The following CELSR1 variants were observed in gnomAD, a reference collection of about 807,000 sequenced individuals.
The protein encoded by CELSR1 is cadherin EGF LAG seven-pass G-type receptor 1, also known as adhesion G protein-coupled receptor C1.
A neutral mutation model predicts 249.1 loss-of-function variants in CELSR1; 110 were observed. The observed-to-expected ratio is 0.44, with a 90% CI of 0.38 to 0.52. The LOEUF is 0.52. CELSR1 is among the 20% of genes least tolerant of loss of function. The pLI is 0.00. For synonymous variants in CELSR1, 2,113 were observed against 1,900.0 expected (o/e 1.11, Z -2.92); for missense variants, 4,109 against 4,296.4 (o/e 0.96, Z 1.22).
At position 46,441,166 on chromosome 22, in the gene CELSR1, AAAG is replaced by A. The variant is rs990309120; in HGVS notation, c.4184-1758_4184-1756del. ...AGACTTCATTTCAAAAAAAAAAAAA[AAAG>A]AGAGACTGCTATAAAGATGGAACTG... On this transcript the variant is annotated intron_variant, in intron 2 of 34. Transcript: ENST00000674500. This position sits in a 1 kb window ranked among gnomAD's most constrained non-coding sequence, Gnocchi z 6.1. 1.5e-4 allele frequency among the ~76,000 whole-genome samples: 23 copies of A among 151,316 alleles called. No individual in the cohort carries two copies. The highest frequency in any genetic ancestry group is 5.4e-4 in the African/African-American group (22 of 40,870).
rs2079271713 is a variant in CELSR1, at chr22:46,406,849, G to A, written c.5226+2147C>T. Among the ~76,000 whole-genome samples the A allele has an allele frequency of 6.6e-6, 1 of 150,458 alleles. No individual in the cohort carries two copies. Among genetic ancestry groups the A allele is most frequent in the African/African-American group, 2.5e-5 (1 of 40,732 alleles). ...TGACCTTAGCCCAGCTTCCCCTGATGCGGGATGGTGTCCAGGACACACTCG... is the reference window on the plus strand; with the variant it reads ...TGACCTTAGCCCAGCTTCCCCTGATACGGGATGGTGTCCAGGACACACTCG... On this transcript the variant is annotated intron_variant, in intron 9 of 34. Coordinates refer to ENST00000674500, the MANE Select transcript of CELSR1 (RefSeq NM_001378328.1). The surrounding 1 kb of genome is among the most constrained non-coding windows in gnomAD (Gnocchi z 5.4).
At chr22:46,466,929 C>A (rs2080102883) in intron 1 of CELSR1, among the ~76,000 whole-genome samples, 1 of 152,186 alleles carries the variant, frequency 6.6e-6, no homozygotes, top group Non-Finnish European at 1.5e-5. Flanking sequence ...CTCTCCTCCG[C>A]ATCAGGACGC....
chr22:46,442,233 G>C (rs909403305), intron 2 of CELSR1, among the ~76,000 whole-genome samples: 18 of 152,248 alleles, frequency 1.2e-4, no homozygotes, highest in Non-Finnish European at 2.2e-4. Context: ...CTCCAGGACG[G>C]GGCTCTGGGG....
Position 46,434,544 on chromosome 22 carries a change from C to T in CELSR1, c.4523-1063G>A, listed in dbSNP as rs1248231669. Among the ~76,000 whole-genome samples the T allele has an allele frequency of 2.0e-5, 3 of 152,220 alleles. No homozygotes were observed. The East Asian group carries it at 5.8e-4, about 29-fold the overall frequency. Reference sequence around the variant, plus strand: ...TGGTGGTTGGCTGCTGTTACAGGTGCCTCCCTTTCTTTATTGAGTATAGAA... The same window carrying T: ...TGGTGGTTGGCTGCTGTTACAGGTGTCTCCCTTTCTTTATTGAGTATAGAA... On this transcript the variant is annotated intron_variant, in intron 4 of 34. Coordinates refer to ENST00000674500, the MANE Select transcript of CELSR1 (RefSeq NM_001378328.1). This position sits in a 1 kb window ranked among gnomAD's most constrained non-coding sequence, Gnocchi z 4.9.
intron 20 of CELSR1, among the ~76,000 whole-genome samples, chr22:46,382,909 T>TG (rs1361154432): frequency 2.6e-5 from 4 of 152,304 alleles, no homozygotes; most frequent in South Asian, 2.1e-4. Context: ...TAGTGTTTCG[T>TG]GGGCTAGAGT....
At chr22:46,382,613 A>G (rs573396058) in intron 20 of CELSR1, among the ~76,000 whole-genome samples, 2 of 152,290 alleles carry the variant, frequency 1.3e-5, no homozygotes, top group Admixed American at 1.3e-4. Context: ...TCACAGCAGC[A>G]CCATTCACAC....
intron 1 of CELSR1, among the ~76,000 whole-genome samples, chr22:46,532,788 T>G (rs937397645): frequency 2.6e-5 from 4 of 152,182 alleles, no homozygotes; most frequent in African/African-American, 4.8e-5. Flanking sequence ...CTCTCTCTTC[T>G]GTGTCTCCCA....
At chr22:46,388,356 AAAAG>A (rs386822024) in intron 18 of CELSR1, among the ~76,000 whole-genome samples, 4 of 151,928 alleles carry the variant, frequency 2.6e-5, no homozygotes, top group African/African-American at 4.8e-5. Flanking sequence ...CTTAAAAAAA[AAAAG>A]AAATAAAGAA....
At position 46,396,529 on chromosome 22, in the gene CELSR1, A is replaced by G. The variant is rs1304967213; in HGVS notation, c.5843+76T>C. 17 of 1,372,672 alleles carry G rather than the reference A, an allele frequency of 1.2e-5. No homozygotes were observed. The highest frequency in any genetic ancestry group is 1.5e-5 in the Non-Finnish European group (16 of 1,054,130). 85.0% of individuals were successfully genotyped at this position (1,372,672 alleles called of 1,614,324 possible). On this transcript the variant is annotated intron_variant, in intron 13 of 34. Transcript: ENST00000674500. The surrounding 1 kb of genome is among the most constrained non-coding windows in gnomAD (Gnocchi z 6.4). ...ACATATCTTTGGGTCAAAATAAGAA[A>G]GAGAAGACACTGAGTCGAGGGAACA... is the stretch of plus-strand genomic sequence containing the variant.
intron 2 of CELSR1, among the ~76,000 whole-genome samples, chr22:46,451,083 GCTGT>G (rs1555920245): frequency 1.3e-5 from 2 of 152,098 alleles, no homozygotes; most frequent in Non-Finnish European, 2.9e-5. Context: ...ACCGGGAACT[GCTGT>G]CTGTCAGCAC....
In CELSR1 at chr22:46,488,517, G is replaced by A. The variant is rs908379730; in HGVS notation, c.3545-24172C>T. On this transcript the variant is annotated intron_variant, in intron 1 of 34. Coordinates refer to ENST00000674500, the MANE Select transcript of CELSR1 (RefSeq NM_001378328.1). The surrounding 1 kb of genome is among the most constrained non-coding windows in gnomAD (Gnocchi z 4.7). ...CACGGCTTGAACCCACACCAAGGCTGGACTCGGCACAGGCCAGAGGGAAGC... is the reference window on the plus strand; with the variant it reads ...CACGGCTTGAACCCACACCAAGGCTAGACTCGGCACAGGCCAGAGGGAAGC... Among the ~76,000 whole-genome samples the A allele has an allele frequency of 1.4e-4, 21 of 152,170 alleles. No individual in the cohort carries two copies. The highest frequency in any genetic ancestry group is 4.1e-4 in the African/African-American group (17 of 41,428).
In CELSR1 at chr22:46,396,026, C is replaced by T. The variant is rs186290023; in HGVS notation, c.5843+579G>A. Among the ~76,000 whole-genome samples the T allele has an allele frequency of 3.5e-4, 54 of 152,314 alleles. No individual in the cohort carries two copies. The highest frequency in any genetic ancestry group is 1.3e-3 in the African/African-American group (52 of 41,582). The stretch of plus-strand genomic sequence containing the variant: ...CTGCATCTCATGGGGCCTGTTTGCT[C>T]TGGGCCCAGTGAGGACTCCAGGTGA... On this transcript the variant is annotated intron_variant, in intron 13 of 34. Coordinates refer to ENST00000674500, the MANE Select transcript of CELSR1 (RefSeq NM_001378328.1). The surrounding 1 kb of genome is among the most constrained non-coding windows in gnomAD (Gnocchi z 6.4).
rs941962794 is a variant in CELSR1, at chr22:46,429,643, G to A, written c.4611+3750C>T. Among the ~76,000 whole-genome samples, 1 of 152,238 alleles carries A rather than the reference G, an allele frequency of 6.6e-6. No individual in the cohort carries two copies. ...CAGACTCTGCCTGCTCCCTGCCTGG[G>A]AGGGTTCCCTACCCCATGGCTTCTG... On this transcript the variant is annotated intron_variant, in intron 5 of 34. Coordinates refer to ENST00000674500, the MANE Select transcript of CELSR1 (RefSeq NM_001378328.1). This position sits in a 1 kb window ranked among gnomAD's most constrained non-coding sequence, Gnocchi z 4.1.
In CELSR1 at chr22:46,364,014, G is replaced by C; in HGVS notation, c.9017C>G (p.Ala3006Gly). ...TACTCACTCAGAGTCGGAGCCATCG[G>C]CCTGGGCGCTCCCAGTGCGCACATT... Reference protein sequence around the residue: ...AMNVRTGSAQADGSDSEGSNE... With the variant: ...AMNVRTGSAQGDGSDSEGSNE... The change falls in exon 34 of 35, where the codon GCC becomes GGC. Residue 3006 changes from alanine to glycine, a missense_variant. Coordinates refer to ENST00000674500, the MANE Select transcript of CELSR1 (RefSeq NM_001378328.1). 1 of 1,608,466 alleles carries C rather than the reference G, an allele frequency of 6.2e-7. No individual in the cohort carries two copies. The highest frequency in any genetic ancestry group is 8.5e-7 in the Non-Finnish European group (1 of 1,178,104).
intron 1 of CELSR1, among the ~76,000 whole-genome samples, chr22:46,504,229 G>A (rs1422747226): frequency 6.6e-6 from 1 of 152,078 alleles, no homozygotes; most frequent in Admixed American, 6.6e-5. Flanking sequence ...AACAGGAATG[G>A]CTGGCCAAGC....
At position 46,409,149 on chromosome 22, in the gene CELSR1, G is replaced by A. The variant is rs2147324775; in HGVS notation, c.5073C>T (p.Pro1691=). The A allele has an allele frequency of 3.1e-6, 5 of 1,613,114 alleles. No individual in the cohort carries two copies. The highest frequency in any genetic ancestry group is 4.2e-6 in the Non-Finnish European group (5 of 1,179,656). Reference sequence around the variant, plus strand: ...CGACGCTCTCACCGCTGAAGAGCTGGGGGTGAGGCATGGCTGCGGACACAG... The same window carrying A: ...CGACGCTCTCACCGCTGAAGAGCTGAGGGTGAGGCATGGCTGCGGACACAG... ...GKNCEQAMPH[P]QLFSGESVVS... The change falls in exon 9 of 35, where the codon CCC becomes CCT. Residue 1691 remains proline, a synonymous_variant. Transcript: ENST00000674500. This position sits in a 1 kb window ranked among gnomAD's most constrained non-coding sequence, Gnocchi z 9.8.
chr22:46,489,649 A>C (rs2080348385), intron 1 of CELSR1, among the ~76,000 whole-genome samples: 1 of 152,114 alleles, frequency 6.6e-6, no homozygotes, highest in Non-Finnish European at 1.5e-5. Flanking sequence ...ACGGTGGCTC[A>C]TACCTGTAAT....
rs570923174 is a variant in CELSR1, at chr22:46,389,152, T to A, written c.6555+138A>T. 27 of 964,558 alleles carry A rather than the reference T, an allele frequency of 2.8e-5. 1 individual carries two copies. The highest frequency in any genetic ancestry group is 2.3e-4 in the African/African-American group (14 of 60,842). 59.7% of individuals were successfully genotyped at this position (964,558 alleles called of 1,614,324 possible). A position where few individuals can be genotyped will look rare whatever the true frequency, so the allele number is the denominator to read the frequency against. On this transcript the variant is annotated intron_variant, in intron 18 of 34. Transcript: ENST00000674500. ...GGCACTGCACCCGCCAGGGCTCACA[T>A]TTGAGAAATGAGGATGGGGATCCTG...
intron 1 of CELSR1, among the ~76,000 whole-genome samples, chr22:46,493,643 C>T (rs974106110): frequency 2.6e-5 from 4 of 152,086 alleles, no homozygotes; most frequent in Non-Finnish European, 4.4e-5. Flanking sequence ...ACGATTCCCA[C>T]GTGTTGTGGC....
Sources: gnomAD v4.1 joint callset for allele counts (sites outside exome capture counted in the v4.1 genomes callset) on GRCh38, gnomAD v4.1.1 for gene constraint, Gnocchi (gnomAD v3.1) non-coding constraint, MANE v1.5 for transcripts, NCBI Gene and HGNC (gene_info 2026-07-23, HGNC 2026-07-21) for gene names.